The following RPH3AL variants were observed in gnomAD, a reference collection of about 807,000 sequenced individuals.
RPH3AL encodes the protein rab effector Noc2.
Under a neutral mutation model 43.1 loss-of-function variants are expected in RPH3AL, and 38 were observed. That is an observed-to-expected ratio of 0.88 (90% CI 0.68 to 1.15). RPH3AL has a LOEUF of 1.15. RPH3AL is among the 50% of genes most tolerant of loss of function. The pLI, the probability that RPH3AL is intolerant of heterozygous loss-of-function variation, is 0.00. For synonymous variants in RPH3AL, 189 were observed against 176.3 expected (o/e 1.07, Z -0.57); for missense variants, 462 against 423.2 (o/e 1.09, Z -0.81).
rs570771269 is a variant in RPH3AL, at chr17:274,670, A to G, written c.438+7098T>C. Among the ~76,000 whole-genome samples the G allele has an allele frequency of 1.2e-3, 177 of 152,300 alleles. No individual in the cohort carries two copies. The highest frequency in any genetic ancestry group is 3.9e-3 in the African/African-American group (161 of 41,576). On this transcript the variant is annotated intron_variant, in intron 6 of 9. Coordinates refer to ENST00000331302, the MANE Select transcript of RPH3AL (RefSeq NM_006987.4). This position sits in a 1 kb window ranked among gnomAD's most constrained non-coding sequence, Gnocchi z 4.7. Reference sequence around the variant, plus strand: ...CAGGAGAGTCAAAGGTGCCTCCTGCATGGGGCAGGGTCACAGGCACAATCC... The same window carrying G: ...CAGGAGAGTCAAAGGTGCCTCCTGCGTGGGGCAGGGTCACAGGCACAATCC...
chr17:288,429 C>G (rs1240384308), intron 5 of RPH3AL, among the ~76,000 whole-genome samples: 1 of 13,798 alleles, frequency 7.2e-5, no homozygotes, highest in African/African-American at 1.9e-4. Flanking sequence ...GACCTCGCAC[C>G]CTCTCTCTCC....
rs562321583 is a variant in RPH3AL, at chr17:215,569, C to G, written c.876+85G>C. ...CATGCAGAATTGAAAACGTCACCGA[C>G]CAGTCTCCAGTTTGGGAGGAGTGAG... is the stretch of plus-strand genomic sequence containing the variant. On this transcript the variant is annotated intron_variant, in intron 9 of 9. Coordinates refer to ENST00000331302, the MANE Select transcript of RPH3AL (RefSeq NM_006987.4). The surrounding 1 kb of genome is among the most constrained non-coding windows in gnomAD (Gnocchi z 4.1). 4.5e-3 allele frequency: 5,281 copies of G among 1,166,190 alleles called. 15 individuals are homozygous for G. The highest frequency in any genetic ancestry group is 5.4e-3 in the Non-Finnish European group (4,979 of 920,170). 72.2% of individuals were successfully genotyped at this position (1,166,190 alleles called of 1,614,324 possible).
chr17:231,487 G>T (rs1224839155), intron 7 of RPH3AL, among the ~76,000 whole-genome samples: 1 of 152,238 alleles, frequency 6.6e-6, no homozygotes, highest in African/African-American at 2.4e-5. Context: ...CGGACAGTTG[G>T]CCCTGGGAGA....
At chr17:316,460 T>C (rs533300958) in intron 5 of RPH3AL, among the ~76,000 whole-genome samples, 1 of 151,640 alleles carries the variant, frequency 6.6e-6, no homozygotes, top group Admixed American at 6.5e-5. Flanking sequence ...CCACCTCCAC[T>C]GACCTGTAGT....
chr17:321,054 G>A lies in RPH3AL; in HGVS notation c.221+218C>T, dbSNP rs142598805. Among the ~76,000 whole-genome samples the A allele has an allele frequency of 4.6e-3, 704 of 152,312 alleles. 1 individual carries two copies. The highest frequency in any genetic ancestry group is 0.01 in the Middle Eastern group (3 of 292). On this transcript the variant is annotated intron_variant, in intron 4 of 9. Transcript: ENST00000331302. ...GGCGCACAGCTCAGCTAGCAGCCCCGTCTCACAGAGGGGTGTCCTGAGGCC... is the reference window on the plus strand; with the variant it reads ...GGCGCACAGCTCAGCTAGCAGCCCCATCTCACAGAGGGGTGTCCTGAGGCC...
intron 1 of RPH3AL, among the ~76,000 whole-genome samples, chr17:342,889 A>G (rs1466627500): frequency 6.6e-6 from 1 of 152,226 alleles, no homozygotes; most frequent in African/African-American, 2.4e-5. Flanking sequence ...CCAGCCAGAC[A>G]TGATGCTAAT....
At chr17:252,852 C>T (rs2041941928) in intron 6 of RPH3AL, among the ~76,000 whole-genome samples, 3 of 152,180 alleles carry the variant, frequency 2.0e-5, no homozygotes, top group Admixed American at 6.5e-5. Context: ...ATCTGAAATG[C>T]TCCAGTGAGT....
At chr17:260,887 T>C (rs2042182300) in intron 6 of RPH3AL, among the ~76,000 whole-genome samples, 1 of 152,172 alleles carries the variant, frequency 6.6e-6, no homozygotes, top group Non-Finnish European at 1.5e-5. Context: ...TTTGGACACG[T>C]TGTTCCTTCT....
In RPH3AL at chr17:346,727, T is replaced by G. The variant is rs576272923; in HGVS notation, c.-213+5985A>C. Among the ~76,000 whole-genome samples the G allele has an allele frequency of 1.5e-5, 2 of 135,666 alleles. 1 individual carries two copies. Among genetic ancestry groups the G allele is most frequent in the African/African-American group, 5.1e-5 (2 of 39,474 alleles). 89.0% of individuals were successfully genotyped at this position (135,666 alleles called of 152,430 possible). ...AAGTCAGAGACAATAAATAAGATTA[T>G]AAATAGAAAAACACTATTTTGTAAA... On this transcript the variant is annotated intron_variant, in intron 1 of 9. Coordinates refer to ENST00000331302, the MANE Select transcript of RPH3AL (RefSeq NM_006987.4).
chr17:341,496 A>G (rs1218416564), intron 1 of RPH3AL: 2 of 152,150 alleles, frequency 1.3e-5, no homozygotes, highest in Non-Finnish European at 2.9e-5. Context: ...CCATTGCAAA[A>G]TTTAACTCAA....
At chr17:340,314 C>A (rs2045076867) in intron 1 of RPH3AL, among the ~76,000 whole-genome samples, 1 of 152,028 alleles carries the variant, frequency 6.6e-6, no homozygotes, top group Admixed American at 6.6e-5. Context: ...CAAACACACA[C>A]CTGGTGTCAT....
At chr17:326,450 C>T (rs2044622542) in intron 3 of RPH3AL, among the ~76,000 whole-genome samples, 2 of 152,172 alleles carry the variant, frequency 1.3e-5, no homozygotes, top group Middle Eastern at 3.2e-3. Flanking sequence ...GCCAGAGACG[C>T]CCAGCCCCTC....
intron 7 of RPH3AL, among the ~76,000 whole-genome samples, chr17:235,651 A>G (rs372043634): frequency 1.4e-5 from 1 of 72,984 alleles, no homozygotes; most frequent in Non-Finnish European, 3.0e-5. Flanking sequence ...AGATGGATCC[A>G]GGGTTCAAAG....
chr17:304,994 C>CGA (rs1172844655), intron 5 of RPH3AL, among the ~76,000 whole-genome samples: 1 of 26,984 alleles, frequency 3.7e-5, no homozygotes, highest in East Asian at 2.3e-3. Flanking sequence ...GGGGACAGGG[C>CGA]GAGAGGGGAC....
intron 6 of RPH3AL, among the ~76,000 whole-genome samples, chr17:259,924 G>C (rs2042161434): frequency 6.6e-6 from 1 of 152,226 alleles, no homozygotes; most frequent in Non-Finnish European, 1.5e-5. Context: ...TGTGGCTGGA[G>C]AAGGTGGTAA....
At chr17:302,407 C>T (rs2043351469) in intron 5 of RPH3AL, among the ~76,000 whole-genome samples, 1 of 152,208 alleles carries the variant, frequency 6.6e-6, no homozygotes, top group South Asian at 2.1e-4. Context: ...TCGATTTACA[C>T]AAGGTCCAAG....
At chr17:251,818 C>T (rs1472881019) in intron 6 of RPH3AL, among the ~76,000 whole-genome samples, 1 of 152,218 alleles carries the variant, frequency 6.6e-6, no homozygotes, top group East Asian at 1.9e-4. Context: ...GCCCTGAGCA[C>T]GTCACCTCCC....
chr17:307,093 G>A (rs957962766), intron 5 of RPH3AL, among the ~76,000 whole-genome samples: 7 of 151,206 alleles, frequency 4.6e-5, no homozygotes, highest in East Asian at 3.9e-4. Flanking sequence ...TCCTCCCCAC[G>A]GCAGGCCCAT....
chr17:315,922 C>T (rs1357239594), intron 5 of RPH3AL, among the ~76,000 whole-genome samples: 2,626 of 129,430 alleles, frequency 0.02, no homozygotes, highest in African/African-American at 0.024. Flanking sequence ...GATGTGTAGT[C>T]CCTGTGCCCC....
Sources: allele counts gnomAD v4.1 joint callset (sites outside exome capture counted in the v4.1 genomes callset), GRCh38; gene constraint gnomAD v4.1.1; non-coding constraint Gnocchi (gnomAD v3.1); transcripts MANE v1.5; gene names NCBI Gene and HGNC (gene_info 2026-07-23, HGNC 2026-07-21).